CLVS1: variants seen among roughly 807,000 people sequenced by gnomAD.
CLVS1 encodes clavesin-1.
CLVS1 carries 10 observed loss-of-function variants against 33.1 expected under a neutral mutation model. That is an observed-to-expected ratio of 0.30 (90% CI 0.19 to 0.51). The LOEUF is 0.51. Among genes scored for constraint, CLVS1 ranks in the 20% least tolerant of loss-of-function variants. CLVS1 has a pLI of 0.97. For missense variants in CLVS1, 343 were observed against 433.4 expected, an observed-to-expected ratio of 0.79 and a Z score of 1.85; for synonymous variants, 163 against 166.1, an observed-to-expected ratio of 0.98 and a Z score of 0.14.
chr8:61,120,858 C>T (rs945736725), intron 1 of CLVS1, among the ~76,000 whole-genome samples: 6 of 147,830 alleles, frequency 4.1e-5, no homozygotes, highest in African/African-American at 1.5e-4. Context: ...GAGGTGGAGC[C>T]TACAGAGGCA....
chr8:61,234,477 A>T (rs1025429955), intron 2 of CLVS1, among the ~76,000 whole-genome samples: 2 of 152,200 alleles, frequency 1.3e-5, no homozygotes, highest in Non-Finnish European at 2.9e-5. Flanking sequence ...TGTTGAGGAC[A>T]ACTAGAAGTG....
At chr8:61,477,600 T>C (rs1563571081) in intron 5 of CLVS1, among the ~76,000 whole-genome samples, 1 of 152,250 alleles carries the variant, frequency 6.6e-6, no homozygotes, top group Non-Finnish European at 1.5e-5. Flanking sequence ...GTGTTTATAG[T>C]ATTCTCTGAT....
intron 2 of CLVS1, among the ~76,000 whole-genome samples, chr8:61,372,660 T>C (rs1813486587): frequency 6.6e-6 from 1 of 152,162 alleles, no homozygotes; most frequent in Admixed American, 6.5e-5. Context: ...GATCCTACAT[T>C]ACCTTTAGTC....
At chr8:61,433,147 T>TTTCACCATG in intron 3 of CLVS1, among the ~76,000 whole-genome samples, 1 of 152,298 alleles carries the variant, frequency 6.6e-6, no homozygotes, top group Admixed American at 6.5e-5. Flanking sequence ...AGAGAAGGTG[T>TTTCACCATG]TTCACCATGT....
At chr8:61,148,041 G>T (rs988868448) in intron 2 of CLVS1, among the ~76,000 whole-genome samples, 5 of 152,168 alleles carry the variant, frequency 3.3e-5, no homozygotes, top group South Asian at 2.1e-4. Context: ...GTTTTAAACG[G>T]GAGTTTTTGA....
chr8:61,232,023 G>GTTTGTTTGTTTGTTTT lies in CLVS1; in HGVS notation c.-151-67651_-151-67650insGTTTGTTTGTTTTTTT. Among the ~76,000 whole-genome samples, 338 of 62,604 alleles carry GTTTGTTTGTTTGTTTT rather than the reference G, an allele frequency of 5.4e-3. 5 individuals carry two copies. Among genetic ancestry groups the GTTTGTTTGTTTGTTTT allele is most frequent in the Non-Finnish European group, 0.01 (268 of 25,722 alleles). 41.1% of individuals were successfully genotyped at this position (62,604 alleles called of 152,430 possible). ...AGAAGGAGCCCTGAGGAAAGTTGTG[G>GTTTGTTTGTTTGTTTT]TTTTTTTTTTTTTTTTTTTTTTTTT... On this transcript the variant is annotated intron_variant, in intron 2 of 2. Coordinates refer to the CLVS1 transcript ENST00000522621.
At chr8:61,362,190 G>T (rs887663393) in intron 2 of CLVS1, among the ~76,000 whole-genome samples, 2 of 152,204 alleles carry the variant, frequency 1.3e-5, no homozygotes, top group Admixed American at 6.5e-5. Flanking sequence ...AATACTCTGT[G>T]ACTTCCTGTG....
chr8:60,995,773 C>A, the CLVS1 span, among the ~76,000 whole-genome samples: 4 of 152,268 alleles, frequency 2.6e-5, no homozygotes, highest in South Asian at 8.3e-4. Context: ...AAATGTCCAA[C>A]AATGATAGAC....
At chr8:61,405,992 C>A (rs1167504134) in intron 3 of CLVS1, among the ~76,000 whole-genome samples, 1 of 152,170 alleles carries the variant, frequency 6.6e-6, no homozygotes, top group Non-Finnish European at 1.5e-5. Context: ...GAGTCAAAGT[C>A]TATAAAAATA....
chr8:61,215,825 C>A (rs1001380520), intron 2 of CLVS1, among the ~76,000 whole-genome samples: 1 of 151,832 alleles, frequency 6.6e-6, no homozygotes, highest in African/African-American at 2.4e-5. Flanking sequence ...TTGTTGTTTT[C>A]CAGACCGAGT....
intron 2 of CLVS1, among the ~76,000 whole-genome samples, chr8:61,366,641 C>A (rs187234576): frequency 6.6e-6 from 1 of 152,158 alleles, no homozygotes. Flanking sequence ...TTCCTTCTTT[C>A]GCTAAGAAAC....
the CLVS1 span, among the ~76,000 whole-genome samples, chr8:61,041,640 G>C: frequency 1.3e-5 from 2 of 152,094 alleles, no homozygotes; most frequent in South Asian, 4.1e-4. Context: ...AATGTTATCA[G>C]TGTATATAAA....
the CLVS1 span, among the ~76,000 whole-genome samples, chr8:61,039,746 C>T: frequency 2.0e-5 from 3 of 152,074 alleles, no homozygotes; most frequent in Non-Finnish European, 2.9e-5. Flanking sequence ...CCCTATGTTG[C>T]CCAGGCTGAT....
intron 1 of CLVS1, among the ~76,000 whole-genome samples, chr8:61,290,915 A>C (rs964653960): frequency 3.3e-5 from 5 of 152,224 alleles, no homozygotes; most frequent in Non-Finnish European, 7.3e-5. Flanking sequence ...AAGTTGTTTC[A>C]AAAGAAGGTC....
chr8:61,032,267 A>G, the CLVS1 span, among the ~76,000 whole-genome samples: 2,209 of 152,296 alleles, frequency 0.015, 58 homozygotes, highest in African/African-American at 0.05. Context: ...CTGGGGCTTC[A>G]GAGCTGAGTC....
chr8:61,214,525 G>T (rs1436103468), intron 2 of CLVS1, among the ~76,000 whole-genome samples: 1 of 152,170 alleles, frequency 6.6e-6, no homozygotes. Context: ...CACAGGGAAG[G>T]TCATGTGAAG....
chr8:61,040,767 C>T, the CLVS1 span, among the ~76,000 whole-genome samples: 1 of 152,104 alleles, frequency 6.6e-6, no homozygotes, highest in Admixed American at 6.6e-5. Flanking sequence ...ATATTTTCTC[C>T]CATTCTCTGG....
chr8:61,181,347 GA>G (rs1179472966), intron 2 of CLVS1, among the ~76,000 whole-genome samples: 8 of 152,058 alleles, frequency 5.3e-5, no homozygotes, highest in African/African-American at 9.7e-5. Flanking sequence ...CAAACAAATG[GA>G]AAAACATTCC....
chr8:61,143,796 A>C (rs1408354504), intron 2 of CLVS1, among the ~76,000 whole-genome samples: 4 of 147,632 alleles, frequency 2.7e-5, no homozygotes, highest in Non-Finnish European at 4.5e-5. Flanking sequence ...ATATATACAT[A>C]ATATTCTCAT....
Sources: gnomAD v4.1 joint callset for allele counts (sites outside exome capture counted in the v4.1 genomes callset) on GRCh38, gnomAD v4.1.1 for gene constraint, MANE v1.5 for transcripts, NCBI Gene and HGNC (gene_info 2026-07-23, HGNC 2026-07-21) for gene names.